Variants in HSD3B1 observed in about 807,000 individuals in gnomAD.
HSD3B1 encodes 3 beta-hydroxysteroid dehydrogenase/Delta 5-->4-isomerase type 1.
In HSD3B1, 11 loss-of-function variants were observed where a neutral mutation model predicts 10.4. That is an observed-to-expected ratio of 1.05 (90% CI 0.66 to 1.75). The LOEUF (loss-of-function observed/expected upper bound fraction) is 1.75, where lower values mean the gene tolerates loss of function less well. HSD3B1 is among the 40% of genes most tolerant of loss of function. The pLI is 0.00. For synonymous variants in HSD3B1, 217 were observed against 185.4 expected (o/e 1.17, Z -1.39); for missense variants, 490 against 454.5 (o/e 1.08, Z -0.71).
At chr1:119,507,700 C>A in intron 2 of HSD3B1, 79 bp downstream of exon 2, 1 of 1,455,256 alleles carries the variant, frequency 6.9e-7, no homozygotes, top group Non-Finnish European at 9.6e-7. Context: ...CCTTGTCTAG[C>A]AAGTTATTGA....
intron 3 of HSD3B1, among the ~76,000 whole-genome samples, chr1:119,512,212 C>T (rs1653956069): frequency 6.6e-6 from 1 of 152,160 alleles, no homozygotes; most frequent in Non-Finnish European, 1.5e-5. Flanking sequence ...CAGAATTATC[C>T]AGCACATGCC....
Position 119,513,936 on chromosome 1 carries a change from TC to T in HSD3B1, c.415del (p.Gln139ArgfsTer36), listed in dbSNP as rs1654019953. The part of the protein sequence containing the change: ...VAGPNSYKEI[I>X]QNGHEEEPLE... ...GGGCCCAACTCCTACAAGGAAATCA[TC>T]CAGAATGGCCATGAAGAAGAGCCTC... On this transcript the variant is annotated frameshift_variant, in exon 4 of 4. Coordinates refer to ENST00000369413, the MANE Select transcript of HSD3B1 (RefSeq NM_000862.3). LOFTEE classifies it low-confidence loss of function (END_TRUNC). 6.2e-7 allele frequency: 1 copy of T among 1,613,724 alleles called. No individual in the cohort carries two copies. The highest frequency in any genetic ancestry group is 1.3e-5 in the African/African-American group (1 of 74,800).
At chr1:119,512,126 A>C (rs1570880027) in intron 3 of HSD3B1, among the ~76,000 whole-genome samples, 2 of 152,218 alleles carry the variant, frequency 1.3e-5, no homozygotes, top group Admixed American at 1.3e-4. Context: ...GAAAACATTC[A>C]GAGCCCTCCT....
intron 2 of HSD3B1, chr1:119,508,155 AG>A (rs1027460783): frequency 4.1e-5 from 6 of 145,052 alleles, no homozygotes; most frequent in Non-Finnish European, 8.6e-5. Flanking sequence ...GAAAACAATA[AG>A]GGGGAGAGAG....
rs115418664 is a variant in HSD3B1 at position 119,513,828 on chromosome 1, G to A, written c.311-6G>A. On this transcript the variant is annotated splice_polypyrimidine_tract_variant and splice_region_variant and intron_variant, in intron 3 of 3. Transcript: ENST00000369413. ...CTGACAGTGACAATATGCTCTTCATGGACAGGTACCCAGCTCCTGTTAGAG... is the reference window on the plus strand; with the variant it reads ...CTGACAGTGACAATATGCTCTTCATAGACAGGTACCCAGCTCCTGTTAGAG... 1.9e-6 allele frequency: 3 copies of A among 1,612,936 alleles called. No individual in the cohort carries two copies. Among genetic ancestry groups the A allele is most frequent in the African/African-American group, 2.7e-5 (2 of 74,984 alleles).
At chr1:119,511,105 C>G (rs964107918) in intron 2 of HSD3B1, among the ~76,000 whole-genome samples, 5 of 151,952 alleles carry the variant, frequency 3.3e-5, no homozygotes, top group Non-Finnish European at 7.4e-5. Flanking sequence ...TGCTGGAGTC[C>G]CAAAATTATG....
At position 119,514,552 on chromosome 1, in the gene HSD3B1, C is replaced by T. The variant is rs991749306; in HGVS notation, c.1029C>T (p.Leu343=). 4 of 1,613,990 alleles carry T rather than the reference C, an allele frequency of 2.5e-6. No individual in the cohort carries two copies. The Admixed American group carries it at 6.7e-5, about 27-fold the overall frequency. The change falls in exon 4 of 4, where the codon CTC becomes CTT. Residue 343 remains leucine, a synonymous_variant. Transcript: ENST00000369413. ...AGCGAGATCTGGCGTATAAGCCACT[C>T]TACAGCTGGGAGGAAGCCAAGCAGA... The part of the protein sequence containing the change: ...KAQRDLAYKP[L]YSWEEAKQKT...
In HSD3B1 at chr1:119,513,960, C is replaced by A. The variant is rs587752759; in HGVS notation, c.437C>A (p.Pro146His). 1.2e-6 allele frequency: 2 copies of A among 1,614,052 alleles called. No individual in the cohort carries two copies. Among genetic ancestry groups the A allele is most frequent in the East Asian group, 4.5e-5 (2 of 44,870 alleles). ...ATCCAGAATGGCCATGAAGAAGAGC[C>A]TCTGGAAAACACATGGCCCGCTCCA... is the stretch of plus-strand genomic sequence containing the variant. ...EIIQNGHEEE[P>H]LENTWPAPYP... The change falls in exon 4 of 4, where the codon CCT (proline) becomes CAT (histidine). Residue 146 changes from proline to histidine, a missense_variant. Physicochemically the swap from Pro to His is moderately conservative, Grantham distance 77. Transcript: ENST00000369413.
chr1:119,510,450 A>C (rs1410551356), intron 2 of HSD3B1, among the ~76,000 whole-genome samples: 1 of 152,048 alleles, frequency 6.6e-6, no homozygotes, highest in East Asian at 1.9e-4. Context: ...TCCTTTTCCT[A>C]TCAGCTCAGA....
Position 119,508,479 on chromosome 1 carries a change from G to T in HSD3B1, c.145+858G>T, listed in dbSNP as rs185931648. Among the ~76,000 whole-genome samples, 21 of 152,226 alleles carry T rather than the reference G, an allele frequency of 1.4e-4. No individual in the cohort carries two copies. The East Asian group carries it at 3.9e-3, about 28-fold the overall frequency. ...TACAAATGGCCCCAAGAGGCAGGTA[G>T]AAAAGGCATCACATCCAACAGGACA... is the stretch of plus-strand genomic sequence containing the variant. On this transcript the variant is annotated intron_variant, in intron 2 of 3. Coordinates refer to ENST00000369413, the MANE Select transcript of HSD3B1 (RefSeq NM_000862.3).
chr1:119,510,508 G>T (rs1653900741), intron 2 of HSD3B1, among the ~76,000 whole-genome samples: 1 of 151,930 alleles, frequency 6.6e-6, no homozygotes, highest in Non-Finnish European at 1.5e-5. Context: ...ATTCAAACCT[G>T]GTATATCTCT....
chr1:119,507,384 C>T lies in HSD3B1; in HGVS notation c.-85-8C>T. On this transcript the variant is annotated splice_region_variant and splice_polypyrimidine_tract_variant and intron_variant, in intron 1 of 3. Coordinates refer to ENST00000369413, the MANE Select transcript of HSD3B1 (RefSeq NM_000862.3). ...GTGAGTATATAACCATTTGACATCT[C>T]TTTTTAGCCCTCTCCAGGGTCACCC... The T allele has an allele frequency of 7.4e-7, 1 of 1,343,808 alleles. No individual in the cohort carries two copies. The highest frequency in any genetic ancestry group is 1.2e-5 in the South Asian group (1 of 83,166). 83.2% of individuals were successfully genotyped at this position (1,343,808 alleles called of 1,614,324 possible).
Position 119,514,259 on chromosome 1 carries a change from G to T in HSD3B1, c.736G>T (p.Ala246Ser), listed in dbSNP as rs368693536. ...GAGGGCCCTGCAGGACCCCAAGAAGGCCCCAAGCATCCGAGGACAGTTCTA... is the reference window on the plus strand; with the variant it reads ...GAGGGCCCTGCAGGACCCCAAGAAGTCCCCAAGCATCCGAGGACAGTTCTA... Reference protein sequence around the residue: ...ALRALQDPKKAPSIRGQFYYI... With the variant: ...ALRALQDPKKSPSIRGQFYYI... Residue 246 changes from alanine to serine, a missense_variant, in exon 4 of 4, where the codon GCC (alanine) becomes TCC (serine). Coordinates refer to ENST00000369413, the MANE Select transcript of HSD3B1 (RefSeq NM_000862.3). 178 of 1,613,990 alleles carry T rather than the reference G, an allele frequency of 1.1e-4. No individual in the cohort carries two copies. Among genetic ancestry groups the T allele is most frequent in the Non-Finnish European group, 1.5e-4 (174 of 1,180,018 alleles).
rs72999123 is a variant in HSD3B1 at position 119,510,792 on chromosome 1, T to A, written c.146-711T>A. Among the ~76,000 whole-genome samples, 734 of 128,934 alleles carry A rather than the reference T, an allele frequency of 5.7e-3. 11 individuals are homozygous for A. Among genetic ancestry groups the A allele is most frequent in the African/African-American group, 0.021 (700 of 34,120 alleles). 84.6% of individuals were successfully genotyped at this position (128,934 alleles called of 152,430 possible). On this transcript the variant is annotated intron_variant, in intron 2 of 3. Coordinates refer to ENST00000369413, the MANE Select transcript of HSD3B1 (RefSeq NM_000862.3). ...TCTTGCTCTACCACCCAGGCTAGAGTGCAGAGGTGTGATCTTGGCTCACTG... is the reference window on the plus strand; with the variant it reads ...TCTTGCTCTACCACCCAGGCTAGAGAGCAGAGGTGTGATCTTGGCTCACTG...
intron 3 of HSD3B1, among the ~76,000 whole-genome samples, chr1:119,513,427 T>C (rs1478280460): frequency 6.6e-6 from 1 of 152,202 alleles, no homozygotes; most frequent in Non-Finnish European, 1.5e-5. Flanking sequence ...ACTGGAACTG[T>C]CCATATTCAC....
chr1:119,513,121 A>G (rs587743565), intron 3 of HSD3B1, among the ~76,000 whole-genome samples: 3 of 152,286 alleles, frequency 2.0e-5, no homozygotes, highest in South Asian at 2.1e-4. Context: ...AGGGTTTAAA[A>G]GAAGGTTTAT....
In HSD3B1 at chr1:119,514,503, T is replaced by C; in HGVS notation, c.980T>C (p.Phe327Ser). The C allele has an allele frequency of 6.2e-7, 1 of 1,614,038 alleles. No homozygotes were observed. The highest frequency in any genetic ancestry group is 8.5e-7 in the Non-Finnish European group (1 of 1,180,006). ...RHIVTLSNSV[F>S]TFSYKKAQRD... ...ATAGTCACATTGTCAAATAGCGTATTCACCTTCTCTTATAAGAAGGCTCAG... is the reference window on the plus strand; with the variant it reads ...ATAGTCACATTGTCAAATAGCGTATCCACCTTCTCTTATAAGAAGGCTCAG... Residue 327 changes from phenylalanine to serine, a missense_variant, in exon 4 of 4, where the codon TTC becomes TCC. Coordinates refer to ENST00000369413, the MANE Select transcript of HSD3B1 (RefSeq NM_000862.3).
chr1:119,508,289 A>T (rs34274124), intron 2 of HSD3B1, among the ~76,000 whole-genome samples: 3 of 152,142 alleles, frequency 2.0e-5, no homozygotes, highest in African/African-American at 4.8e-5. Flanking sequence ...TGCACAGTGC[A>T]CAGCACAGAG....
intron 2 of HSD3B1, 67 bp from the exon 3 acceptor site, chr1:119,511,436 C>A (rs1275437533): frequency 6.6e-7 from 1 of 1,524,590 alleles, no homozygotes; most frequent in Non-Finnish European, 9.1e-7. Context: ...TGTAACATCA[C>A]CTTTATCAGA....
Sources: gnomAD v4.1 joint callset for allele counts (sites outside exome capture counted in the v4.1 genomes callset) on GRCh38, gnomAD v4.1.1 for gene constraint, MANE v1.5 for transcripts, NCBI Gene and HGNC (gene_info 2026-07-23, HGNC 2026-07-21) for gene names.